Variants in RPTOR observed in about 807,000 individuals in gnomAD.
RPTOR encodes regulatory-associated protein of mTOR.
RPTOR carries 21 observed loss-of-function variants against 169.9 expected under a neutral mutation model. The ratio of observed to expected loss-of-function variants is 0.12; its 90% confidence interval spans 0.09 to 0.18. The LOEUF (loss-of-function observed/expected upper bound fraction) is 0.18. Ranked by LOEUF, RPTOR falls within the 10% of genes least tolerant of loss-of-function variation. RPTOR has a pLI of 1.00. For synonymous variants in RPTOR, 732 were observed against 753.2 expected, an observed-to-expected ratio of 0.97 and a Z score of 0.46; for missense variants, 1,133 against 1,855.9, an observed-to-expected ratio of 0.61 and a Z score of 7.16.
At chr17:80,938,412 C>T (rs2068981163) in intron 24 of RPTOR, among the ~76,000 whole-genome samples, 1 of 152,216 alleles carries the variant, frequency 6.6e-6, no homozygotes, top group African/African-American at 2.4e-5. Context: ...CCAGAGAAGC[C>T]CGAGTCTCAT....
At chr17:80,923,203 G>T (rs537300420) in intron 22 of RPTOR, among the ~76,000 whole-genome samples, 1 of 152,316 alleles carries the variant, frequency 6.6e-6, no homozygotes, top group South Asian at 2.1e-4. Flanking sequence ...CGCACATCCC[G>T]GCCCACTCGA....
intron 4 of RPTOR, among the ~76,000 whole-genome samples, chr17:80,714,106 C>T (rs1404321980): frequency 6.6e-6 from 1 of 151,956 alleles, no homozygotes; most frequent in Non-Finnish European, 1.5e-5. Context: ...GCCTGGCTAA[C>T]TGTTTTGTAT....
rs747363483 is a variant in RPTOR, at chr17:80,705,205, C to T, written c.349-2636C>T. On this transcript the variant is annotated intron_variant, in intron 3 of 33. Coordinates refer to ENST00000306801, the MANE Select transcript of RPTOR (RefSeq NM_020761.3). ...TAGATGAAAATGGACTTGAAGATCC[C>T]GCGTTATCAGTTGGTTAGCTCTCTC... Among the ~76,000 whole-genome samples the T allele has an allele frequency of 5.2e-5, 8 of 152,394 alleles. No homozygotes were observed. The East Asian group carries it at 7.7e-4, about 15-fold the overall frequency.
rs1360402742 is a variant in RPTOR at position 80,707,705 on chromosome 17, T to A, written c.349-136T>A. 2.5e-6 allele frequency: 2 copies of A among 801,504 alleles called. No homozygotes were observed. Among genetic ancestry groups the A allele is most frequent in the African/African-American group, 3.5e-5 (2 of 57,772 alleles). The allele number at this position is 801,504 out of a possible 1,614,324, so 49.6% of individuals were successfully genotyped here. On this transcript the variant is annotated intron_variant, in intron 3 of 33. Transcript: ENST00000306801. This position sits in a 1 kb window ranked among gnomAD's most constrained non-coding sequence, Gnocchi z 5.0. ...GGGTGCCTGGCATTACCTGGTTTTA[T>A]AGATGGAGAAACTCAGAGCCATGTG...
chr17:80,564,732 TC>T (rs1453435643), intron 1 of RPTOR, among the ~76,000 whole-genome samples: 3 of 151,674 alleles, frequency 2.0e-5, no homozygotes, highest in African/African-American at 7.3e-5. Flanking sequence ...TTTTTTCAGA[TC>T]CTCTCCCTCC....
chr17:80,741,999 T>C (rs1404113786), intron 5 of RPTOR, among the ~76,000 whole-genome samples: 2 of 152,188 alleles, frequency 1.3e-5, no homozygotes, highest in Non-Finnish European at 2.9e-5. Context: ...GCTGTGCTGT[T>C]GAGCGGCTCA....
intron 2 of RPTOR, among the ~76,000 whole-genome samples, chr17:80,636,998 G>A (rs927682382): frequency 3.9e-5 from 6 of 152,180 alleles, no homozygotes; most frequent in African/African-American, 7.2e-5. Flanking sequence ...TGCTTATTTC[G>A]TTTTACAAAT....
At position 80,674,787 on chromosome 17, in the gene RPTOR, CAAAAAAAAAAAAAAAAAAAAA is replaced by C. The variant is rs9319608; in HGVS notation, c.348+30995_348+31015del. 1.9e-4 allele frequency among the ~76,000 whole-genome samples: 17 copies of C among 89,972 alleles called. 1 individual carries two copies. The highest frequency in any genetic ancestry group is 4.9e-4 in the African/African-American group (12 of 24,502). The allele number at this position is 89,972 out of a possible 152,430, so 59.0% of individuals were successfully genotyped here. On this transcript the variant is annotated intron_variant, in intron 3 of 33. Coordinates refer to ENST00000306801, the MANE Select transcript of RPTOR (RefSeq NM_020761.3). ...TGGGCAACAGAGCAAGACTCTGTCTCAAAAAAAAAAAAAAAAAAAAAAAAAAAAAAAAAAAAAACAACTTCT... is the reference window on the plus strand; with the variant it reads ...TGGGCAACAGAGCAAGACTCTGTCTCAAAAAAAAAAAAAAAAACAACTTCT...
At chr17:80,770,122 G>A (rs1241637622) in intron 6 of RPTOR, among the ~76,000 whole-genome samples, 1 of 152,246 alleles carries the variant, frequency 6.6e-6, no homozygotes. Flanking sequence ...TGCATTCGAG[G>A]TGGCGTCTTT....
intron 11 of RPTOR, among the ~76,000 whole-genome samples, chr17:80,854,926 A>T (rs1399585902): frequency 6.6e-6 from 1 of 152,238 alleles, no homozygotes; most frequent in East Asian, 1.9e-4. Context: ...AAAAGTAGGA[A>T]CATTTTGATG....
chr17:80,711,407 C>T (rs55789160), intron 4 of RPTOR, among the ~76,000 whole-genome samples: 2,774 of 152,190 alleles, frequency 0.018, 92 homozygotes, highest in African/African-American at 0.062. Flanking sequence ...AAGATGCAGA[C>T]ATCCTGACAC....
chr17:80,782,069 C>T (rs574342597), intron 6 of RPTOR, among the ~76,000 whole-genome samples: 1 of 152,352 alleles, frequency 6.6e-6, no homozygotes, highest in South Asian at 2.1e-4. Flanking sequence ...CCTACAGCAG[C>T]ACCGTTCCCC....
At chr17:80,840,768 T>TCTCA in intron 10 of RPTOR, among the ~76,000 whole-genome samples, 1 of 115,664 alleles carries the variant, frequency 8.6e-6, no homozygotes. Flanking sequence ...ACACGGCAGC[T>TCTCA]CTCACCACAC....
chr17:80,779,744 T>C (rs2066922662), intron 6 of RPTOR, among the ~76,000 whole-genome samples: 1 of 152,170 alleles, frequency 6.6e-6, no homozygotes, highest in South Asian at 2.1e-4. Flanking sequence ...GAACCAGCTC[T>C]TGGCATAGTT....
At chr17:80,756,069 C>T (rs2066678309) in intron 6 of RPTOR, among the ~76,000 whole-genome samples, 1 of 152,234 alleles carries the variant, frequency 6.6e-6, no homozygotes, top group Non-Finnish European at 1.5e-5. Flanking sequence ...TTAATGCCTT[C>T]CCCCAAATGT....
At chr17:80,743,632 C>T (rs913477723) in intron 5 of RPTOR, among the ~76,000 whole-genome samples, 1 of 152,172 alleles carries the variant, frequency 6.6e-6, no homozygotes, top group South Asian at 2.1e-4. Context: ...CTTTAATTAA[C>T]TCACTTTGCT....
In RPTOR at chr17:80,665,340, TTCC is replaced by T. The variant is rs1567845887; in HGVS notation, c.348+21532_348+21534del. Among the ~76,000 whole-genome samples, 5 of 5,172 alleles carry T rather than the reference TTCC, an allele frequency of 9.7e-4. No individual in the cohort carries two copies. In the African/African-American group the frequency reaches 0.013, roughly 13 times the overall value. The allele number at this position is 5,172 out of a possible 152,430, so 3.4% of individuals were successfully genotyped here. On this transcript the variant is annotated intron_variant, in intron 3 of 33. Coordinates refer to ENST00000306801, the MANE Select transcript of RPTOR (RefSeq NM_020761.3). ...TTTTTTCTTTTCTTTTCCCTTTCCT[TTCC>T]TTTCCTTTCCTTTCCTTTCCTTTCC...
intron 3 of RPTOR, among the ~76,000 whole-genome samples, chr17:80,658,065 A>T (rs552686988): frequency 2.0e-5 from 3 of 152,360 alleles, no homozygotes; most frequent in Non-Finnish European, 4.4e-5. Flanking sequence ...CAGTGCAAGA[A>T]TCTTGATGCA....
At chr17:80,582,787 G>T (rs963801213) in intron 1 of RPTOR, among the ~76,000 whole-genome samples, 1 of 151,572 alleles carries the variant, frequency 6.6e-6, no homozygotes, top group Non-Finnish European at 1.5e-5. Flanking sequence ...CTCGTGATCC[G>T]CCCGCCTCAG....
Sources: allele counts gnomAD v4.1 joint callset (sites outside exome capture counted in the v4.1 genomes callset), GRCh38; gene constraint gnomAD v4.1.1; non-coding constraint Gnocchi (gnomAD v3.1); transcripts MANE v1.5; gene names NCBI Gene and HGNC (gene_info 2026-07-23, HGNC 2026-07-21).